The following USP5 variants were observed in gnomAD, a reference collection of about 807,000 sequenced individuals.
The protein encoded by USP5 is ubiquitin carboxyl-terminal hydrolase 5.
USP5 carries 24 observed loss-of-function variants against 102.5 expected under a neutral mutation model. That is an observed-to-expected ratio of 0.23 (90% CI 0.17 to 0.33). The LOEUF is 0.33. Among genes scored for constraint, USP5 ranks in the 10% least tolerant of loss-of-function variants. The probability of loss-of-function intolerance (pLI) is 1.00; values close to 1 mark genes in which losing one functional copy is unlikely to be tolerated. For synonymous variants in USP5, 460 were observed against 434.8 expected, an observed-to-expected ratio of 1.06 and a Z score of -0.72; for missense variants, 753 against 1,122.1, an observed-to-expected ratio of 0.67 and a Z score of 4.70.
At position 6,852,153 on chromosome 12, in the gene USP5, G is replaced by T; in HGVS notation, c.-27G>T. 1 of 1,596,284 alleles carries T rather than the reference G, an allele frequency of 6.3e-7. No homozygotes were observed. The highest frequency in any genetic ancestry group is 8.5e-7 in the Non-Finnish European group (1 of 1,171,514). On this transcript the variant is annotated 5_prime_UTR_variant, in exon 1 of 20. Transcript: ENST00000229268. ...GGGACTGGGAACGGTGGGAGCCGCC[G>T]TGTGTGGAGAAGCTGCTGCCGGTGT...
chr12:6,865,552 C>T (rs1276267250), intron 19 of USP5, among the ~76,000 whole-genome samples: 5 of 152,128 alleles, frequency 3.3e-5, no homozygotes, highest in African/African-American at 7.2e-5. Flanking sequence ...CATGAGCTAC[C>T]GTGCCTGGCC....
At position 6,856,946 on chromosome 12, in the gene USP5, G is replaced by A; in HGVS notation, c.769+55G>A. 6.3e-7 allele frequency: 1 copy of A among 1,576,536 alleles called. No homozygotes were observed. Among genetic ancestry groups the A allele is most frequent in the East Asian group, 2.3e-5 (1 of 44,016 alleles). On this transcript the variant is annotated intron_variant, in intron 6 of 19. Transcript: ENST00000229268. The surrounding 1 kb of genome is among the most constrained non-coding windows in gnomAD (Gnocchi z 5.6). Reference sequence around the variant, plus strand: ...ATGCTTAAATATATTTCATTTGTTAGTAATTTCGTGTGACATGTATAATAC... The same window carrying A: ...ATGCTTAAATATATTTCATTTGTTAATAATTTCGTGTGACATGTATAATAC...
intron 1 of USP5, 79 bp downstream of exon 1, chr12:6,852,369 T>A (rs1451223044): frequency 1.4e-5 from 20 of 1,404,434 alleles, no homozygotes; most frequent in Non-Finnish European, 1.9e-5. Context: ...CTGCAAGGCT[T>A]GGGCTACCGC....
intron 9 of USP5, among the ~76,000 whole-genome samples, 196 bp downstream of exon 9, chr12:6,859,737 C>T (rs1230614052): frequency 6.6e-6 from 1 of 152,226 alleles, no homozygotes; most frequent in Non-Finnish European, 1.5e-5. Context: ...ACTACAACCT[C>T]TGCCTCCTGG....
rs782199741 is a variant in USP5 at position 6,858,511 on chromosome 12, A to C, written c.952A>C (p.Lys318Gln). 2 of 1,613,926 alleles carry C rather than the reference A, an allele frequency of 1.2e-6. No individual in the cohort carries two copies. The highest frequency in any genetic ancestry group is 2.2e-5 in the South Asian group (2 of 91,082). ...ELIQESGVPL[K>Q]PLFGPGYTGI... ...GATCCAGGAGTCAGGTGTGCCACTC[A>C]AGCCCCTGTTTGGGCCTGGCTACAC... Residue 318 changes from lysine (K) to glutamine (Q), a missense_variant, in exon 8 of 20, where the codon AAG becomes CAG. Physicochemically the swap from Lys to Gln is moderately conservative, Grantham distance 53. Around this residue, in one of 3 missense-constraint regions of USP5, gnomAD observed 527 missense variants for 816.5 expected, o/e 0.65. Transcript: ENST00000229268. The surrounding 1 kb of genome is among the most constrained non-coding windows in gnomAD (Gnocchi z 4.2).
Position 6,852,207 on chromosome 12 carries a change from C to G in USP5, c.28C>G (p.Leu10Val). The G allele has an allele frequency of 1.2e-6, 2 of 1,612,864 alleles. No individual in the cohort carries two copies. The highest frequency in any genetic ancestry group is 1.7e-6 in the Non-Finnish European group (2 of 1,179,600). ...GGCGGAGCTGAGTGAGGAGGCGCTG[C>G]TGTCAGTATTACCGACGATCCGGGT... is the stretch of plus-strand genomic sequence containing the variant. MAELSEEAL[L>V]SVLPTIRVPK... is the part of the protein sequence containing the mutation. Residue 10 changes from leucine to valine, a missense_variant, in exon 1 of 20, where the codon CTG becomes GTG. Leu to Val is a conservative substitution (Grantham distance 32). Coordinates refer to ENST00000229268, the MANE Select transcript of USP5 (RefSeq NM_001098536.2).
Position 6,866,160 on chromosome 12 carries a change from C to G in USP5, c.*83C>G, listed in dbSNP as rs1490000063. On this transcript the variant is annotated 3_prime_UTR_variant, in exon 20 of 20. Coordinates refer to ENST00000229268, the MANE Select transcript of USP5 (RefSeq NM_001098536.2). The surrounding 1 kb of genome is among the most constrained non-coding windows in gnomAD (Gnocchi z 4.7). ...AGGGGCTGAGGGATGGACTTCAGCC[C>G]CTCTGCTCTGTACCCTTTTTCCTTT... The G allele has an allele frequency of 7.8e-7, 1 of 1,287,536 alleles. No homozygotes were observed. Among genetic ancestry groups the G allele is most frequent in the Admixed American group, 1.9e-5 (1 of 53,038 alleles). The allele number at this position is 1,287,536 out of a possible 1,614,324, so 79.8% of individuals were successfully genotyped here.
chr12:6,852,287 G>T lies in USP5; in HGVS notation c.108G>T (p.Thr36=), dbSNP rs782574420. 109 of 1,607,392 alleles carry T rather than the reference G, an allele frequency of 6.8e-5. No homozygotes were observed. The highest frequency in any genetic ancestry group is 9.0e-5 in the Non-Finnish European group (106 of 1,177,230). The change falls in exon 1 of 20, where the codon ACG becomes ACT. Residue 36 remains threonine (T), a synonymous_variant. Coordinates refer to ENST00000229268, the MANE Select transcript of USP5 (RefSeq NM_001098536.2). The part of the protein sequence containing the change: ...HKDECAFSFD[T]PESEGGLYIC... The stretch of plus-strand genomic sequence containing the variant: ...ACGAGTGCGCCTTCTCCTTCGACAC[G>T]CCGGTAAGCCCATTCCCCACGCCCG...
rs1345223317 is a variant in USP5, at chr12:6,866,616, A to G, written c.*539A>G. 6.4e-6 allele frequency: 1 copy of G among 156,386 alleles called. No individual in the cohort carries two copies. The highest frequency in any genetic ancestry group is 1.4e-5 in the Non-Finnish European group (1 of 70,022). 9.7% of individuals were successfully genotyped at this position (156,386 alleles called of 1,614,324 possible). On this transcript the variant is annotated 3_prime_UTR_variant, in exon 20 of 20. Coordinates refer to ENST00000229268, the MANE Select transcript of USP5 (RefSeq NM_001098536.2). This position sits in a 1 kb window ranked among gnomAD's most constrained non-coding sequence, Gnocchi z 4.7. ...AATGCCAAAATACACGATGTGAATA[A>G]AAGTACAACGGCTAAATTGTGTCCT... is the stretch of plus-strand genomic sequence containing the variant.
At position 6,864,183 on chromosome 12, in the gene USP5, G is replaced by T. The variant is rs145375496; in HGVS notation, c.2232G>T (p.Ala744=). The T allele has an allele frequency of 1.4e-5, 23 of 1,609,066 alleles. No individual in the cohort carries two copies. Among genetic ancestry groups the T allele is most frequent in the Non-Finnish European group, 1.9e-5 (22 of 1,177,320 alleles). Residue 744 remains alanine (A), a synonymous_variant, in exon 17 of 20, where the codon GCG becomes GCT. Coordinates refer to ENST00000229268, the MANE Select transcript of USP5 (RefSeq NM_001098536.2). This position sits in a 1 kb window ranked among gnomAD's most constrained non-coding sequence, Gnocchi z 4.8. ...TCTCCCGGGACCAGGCCTTGAAAGC[G>T]CTGCGGGCCACGGTATGGGCTGCCC... The part of the protein sequence containing the change: ...MGFSRDQALK[A]LRATNNSLER...
chr12:6,865,780 A>G (rs186483580), intron 19 of USP5, among the ~76,000 whole-genome samples: 1 of 152,192 alleles, frequency 6.6e-6, no homozygotes, highest in Non-Finnish European at 1.5e-5. Context: ...TTGTAAAGGT[A>G]CTGGAGGATC....
At chr12:6,859,440 C>G in intron 8 of USP5, 30 bp from the exon 9 acceptor site, 1 of 1,610,562 alleles carries the variant, frequency 6.2e-7, no homozygotes, top group Non-Finnish European at 8.5e-7. Context: ...AGGCCAGAGC[C>G]CCTCCAACTG....
intron 19 of USP5, 125 bp from the exon 20 acceptor site, chr12:6,865,859 C>A: frequency 2.5e-6 from 2 of 786,532 alleles, no homozygotes; most frequent in East Asian, 2.6e-5. Flanking sequence ...GGTGGCTGGG[C>A]TGTGGATTTG....
At position 6,863,067 on chromosome 12, in the gene USP5, G is replaced by T. The variant is rs781867359; in HGVS notation, c.1763-119G>T. 2.0e-6 allele frequency: 2 copies of T among 1,008,676 alleles called. No homozygotes were observed. Among genetic ancestry groups the T allele is most frequent in the African/African-American group, 1.6e-5 (1 of 61,110 alleles). 62.5% of individuals were successfully genotyped at this position (1,008,676 alleles called of 1,614,324 possible). ...TACTGGGACCCCTAAGATGGGTGCCGTGCTTTTAGCAGCTCCTCTTTACAG... is the reference window on the plus strand; with the variant it reads ...TACTGGGACCCCTAAGATGGGTGCCTTGCTTTTAGCAGCTCCTCTTTACAG... On this transcript the variant is annotated intron_variant, in intron 14 of 19. Coordinates refer to ENST00000229268, the MANE Select transcript of USP5 (RefSeq NM_001098536.2). The surrounding 1 kb of genome is among the most constrained non-coding windows in gnomAD (Gnocchi z 4.7).
rs782386450 is a variant in USP5 at position 6,864,240 on chromosome 12, G to C, written c.2244+45G>C. On this transcript the variant is annotated intron_variant, in intron 17 of 19. Transcript: ENST00000229268. This position sits in a 1 kb window ranked among gnomAD's most constrained non-coding sequence, Gnocchi z 4.8. ...AGGACATGGGGCCAGTGGGGAAGAA[G>C]GGGGTGGGAATGAGGGGCCATCCTT... 6.5e-7 allele frequency: 1 copy of C among 1,541,736 alleles called. No individual in the cohort carries two copies. Among genetic ancestry groups the C allele is most frequent in the Non-Finnish European group, 8.7e-7 (1 of 1,143,702 alleles).
At position 6,860,031 on chromosome 12, in the gene USP5, T is replaced by A; in HGVS notation, c.1131-120T>A. The A allele has an allele frequency of 9.2e-7, 1 of 1,082,446 alleles. No individual in the cohort carries two copies. The highest frequency in any genetic ancestry group is 1.4e-6 in the Non-Finnish European group (1 of 733,506). The allele number at this position is 1,082,446 out of a possible 1,614,324, so 67.1% of individuals were successfully genotyped here. On this transcript the variant is annotated intron_variant, in intron 9 of 19. Coordinates refer to ENST00000229268, the MANE Select transcript of USP5 (RefSeq NM_001098536.2). The surrounding 1 kb of genome is among the most constrained non-coding windows in gnomAD (Gnocchi z 5.5). ...TGTCTTGAGCTGGGTTCCTGTAGAA[T>A]CTAAGGTTTTTCACGTTGTTGAGAG... is the stretch of plus-strand genomic sequence containing the variant.
chr12:6,864,684 G>T lies in USP5; in HGVS notation c.2245-38G>T, dbSNP rs782566344. On this transcript the variant is annotated intron_variant, in intron 17 of 19. Transcript: ENST00000229268. The surrounding 1 kb of genome is among the most constrained non-coding windows in gnomAD (Gnocchi z 4.8). ...AGCCTGGGCGACAGAGCAAGACTCC[G>T]TCTCAAGAAAAAAAGTAATGCTTCC... is the stretch of plus-strand genomic sequence containing the variant. 1.9e-6 allele frequency: 3 copies of T among 1,583,984 alleles called. No homozygotes were observed. The highest frequency in any genetic ancestry group is 2.6e-6 in the Non-Finnish European group (3 of 1,169,108).
At position 6,855,508 on chromosome 12, in the gene USP5, C is replaced by G. The variant is rs139976903; in HGVS notation, c.219C>G (p.Leu73=). 2.0e-4 allele frequency: 322 copies of G among 1,614,062 alleles called. No individual in the cohort carries two copies. The highest frequency in any genetic ancestry group is 2.7e-4 in the Non-Finnish European group (313 of 1,180,046). ...CCGGCCAGCGAGTCTACTTGCACCT[C>G]CGGCGGACCCGGCGCCCGGTAGGAG... ...NKTGQRVYLH[L]RRTRRPKEED... is the part of the protein sequence containing the mutation. Residue 73 remains leucine (L), a synonymous_variant, in exon 2 of 20, where the codon CTC becomes CTG. Transcript: ENST00000229268. This position sits in a 1 kb window ranked among gnomAD's most constrained non-coding sequence, Gnocchi z 4.6.
At position 6,852,447 on chromosome 12, in the gene USP5, G is replaced by A. The variant is rs2269356; in HGVS notation, c.111+157G>A. ...ACTCTGCCGTTGCCTTTCATTAACT[G>A]CGGCTGTCGTGTGACTACCGTCCCC... On this transcript the variant is annotated intron_variant, in intron 1 of 19. Transcript: ENST00000229268. Among the ~76,000 whole-genome samples the A allele has an allele frequency of 9.9e-3, 1,503 of 152,372 alleles. 190 individuals are homozygous for A. In the East Asian group the frequency reaches 0.26, roughly 26 times the overall value.
Sources: gnomAD v4.1 joint callset for allele counts (sites outside exome capture counted in the v4.1 genomes callset) on GRCh38, gnomAD v4.1.1 for gene constraint, gnomAD v4.1.1 regional missense constraint, Gnocchi (gnomAD v3.1) non-coding constraint, MANE v1.5 for transcripts, NCBI Gene and HGNC (gene_info 2026-07-23, HGNC 2026-07-21) for gene names.